ACAN: variants seen among roughly 807,000 people sequenced by gnomAD.
The protein encoded by ACAN is aggrecan.
In ACAN, 47 loss-of-function variants were observed where a neutral mutation model predicts 169.1. That is an observed-to-expected ratio of 0.28 (90% CI 0.22 to 0.35). The LOEUF is 0.35. ACAN is among the 10% of genes least tolerant of loss of function. The pLI, the probability that ACAN is intolerant of heterozygous loss-of-function variation, is 1.00. For missense variants in ACAN, 2,716 were observed against 2,759.9 expected (o/e 0.98, Z 0.36); for synonymous variants, 1,115 against 1,112.2 (o/e 1.00, Z -0.05).
In ACAN at chr15:88,836,253, C is replaced by T. The variant is rs1325083323; in HGVS notation, c.47C>T (p.Ala16Val). The T allele has an allele frequency of 6.2e-7, 1 of 1,613,858 alleles. No individual in the cohort carries two copies. The highest frequency in any genetic ancestry group is 8.5e-7 in the Non-Finnish European group (1 of 1,179,806). Reference sequence around the variant, plus strand: ...TTCGTGACTCTGAGGGTCATCACTGCAGCTGTCACTGTAGAAACTTCAGGT... The same window carrying T: ...TTCGTGACTCTGAGGGTCATCACTGTAGCTGTCACTGTAGAAACTTCAGGT... ...WVFVTLRVITAAVTVETSDHD... is the reference protein window; with the variant it reads ...WVFVTLRVITVAVTVETSDHD... The change falls in exon 2 of 19, where the codon GCA becomes GTA. Residue 16 changes from alanine (A) to valine (V), a missense_variant. By Grantham distance (64) the Ala-to-Val change is moderately conservative. Around this residue, in one of 3 missense-constraint regions of ACAN, gnomAD observed 1,283 missense variants for 1,281.5 expected, o/e 1.00. Transcript: ENST00000560601.
rs757760868 is a variant in ACAN, at chr15:88,829,737, G to A, written c.-7-6463G>A. Among the ~76,000 whole-genome samples the A allele has an allele frequency of 7.9e-5, 12 of 152,240 alleles. 1 individual carries two copies. In the East Asian group the frequency reaches 1.7e-3, roughly 22 times the overall value. ...GTCAGGGACACAGAGCCACCTGGTC[G>A]CAGGCAAATCTTACTGGTCTACCAG... On this transcript the variant is annotated intron_variant, in intron 1 of 18. Coordinates refer to ENST00000560601, the MANE Select transcript of ACAN (RefSeq NM_001369268.1).
chr15:88,806,222 A>G (rs1215567664), intron 1 of ACAN, among the ~76,000 whole-genome samples: 1 of 152,232 alleles, frequency 6.6e-6, no homozygotes, highest in Admixed American at 6.5e-5. Context: ...AGCAAGCACC[A>G]CAAACTTTAA....
chr15:88,853,535 G>T (rs1272694431), intron 11 of ACAN, among the ~76,000 whole-genome samples: 1 of 152,140 alleles, frequency 6.6e-6, no homozygotes, highest in Admixed American at 6.6e-5. Context: ...CTACTCGGGA[G>T]GCTGAGGCAT....
chr15:88,864,274 T>A (rs1257053465), intron 13 of ACAN, among the ~76,000 whole-genome samples: 1 of 145,786 alleles, frequency 6.9e-6, no homozygotes, highest in African/African-American at 2.6e-5. Flanking sequence ...GTTATAACCT[T>A]TTTTTTTTTT....
chr15:88,833,516 A>G (rs1896417725), intron 1 of ACAN, among the ~76,000 whole-genome samples: 1 of 152,182 alleles, frequency 6.6e-6, no homozygotes, highest in East Asian at 1.9e-4. Context: ...CAGGGCTGCC[A>G]AAGTCAGTCT....
intron 13 of ACAN, among the ~76,000 whole-genome samples, chr15:88,863,070 G>A (rs1419014477): frequency 6.6e-6 from 1 of 151,250 alleles, no homozygotes; most frequent in Non-Finnish European, 1.5e-5. Flanking sequence ...GCAAAATGCA[G>A]CATGATTCCT....
rs2141586230 is a variant in ACAN at position 88,847,425 on chromosome 15, C to G, written c.1604+8C>G. The G allele has an allele frequency of 1.3e-6, 2 of 1,560,876 alleles. No homozygotes were observed. The highest frequency in any genetic ancestry group is 1.7e-6 in the Non-Finnish European group (2 of 1,148,450). Reference sequence around the variant, plus strand: ...GCGGGACCAGACCGTCAGGTGAAGCCATGCTCCTCGCCCAGCCCAAACCCA... The same window carrying G: ...GCGGGACCAGACCGTCAGGTGAAGCGATGCTCCTCGCCCAGCCCAAACCCA... On this transcript the variant is annotated splice_region_variant and intron_variant, in intron 8 of 18. Transcript: ENST00000560601.
intron 1 of ACAN, among the ~76,000 whole-genome samples, chr15:88,815,606 A>C (rs1394426037): frequency 1.3e-5 from 2 of 150,596 alleles, no homozygotes; most frequent in Non-Finnish European, 1.5e-5. Context: ...GTCTTAAAAA[A>C]AAAAAAACCA....
At chr15:88,840,343 G>A (rs149718201) in intron 4 of ACAN, among the ~76,000 whole-genome samples, 157 bp downstream of exon 4, 1 of 152,298 alleles carries the variant, frequency 6.6e-6, no homozygotes, top group East Asian at 1.9e-4. Flanking sequence ...TGGCCAAACA[G>A]CAGCTCAATG....
Position 88,843,294 on chromosome 15 carries a change from G to T in ACAN, c.758-61G>T. On this transcript the variant is annotated intron_variant, in intron 5 of 18. Transcript: ENST00000560601. This position sits in a 1 kb window ranked among gnomAD's most constrained non-coding sequence, Gnocchi z 4.0. ...TCGTGGAAAAGTGTGGATCTCTCTG[G>T]GGATGCAGAGCAGGGGGAGGGGGGA... The T allele has an allele frequency of 7.0e-7, 1 of 1,418,578 alleles. No individual in the cohort carries two copies. Among genetic ancestry groups the T allele is most frequent in the Non-Finnish European group, 9.2e-7 (1 of 1,081,936 alleles). The allele number at this position is 1,418,578 out of a possible 1,614,324, so 87.9% of individuals were successfully genotyped here.
intron 8 of ACAN, 53 bp downstream of exon 8, chr15:88,847,470 A>G: frequency 2.0e-6 from 3 of 1,480,770 alleles, no homozygotes; most frequent in Non-Finnish European, 2.7e-6. Context: ...GTCAGGCTTA[A>G]GGAGCCACAG....
intron 7 of ACAN, 122 bp downstream of exon 7, chr15:88,846,004 T>C (rs1441178914): frequency 8.9e-7 from 1 of 1,123,084 alleles, no homozygotes; most frequent in Non-Finnish European, 1.2e-6. Flanking sequence ...CAATGTTCTC[T>C]CCTCTCAGAC....
rs1055766059 is a variant in ACAN at position 88,868,342 on chromosome 15, T to C, written c.7060+13T>C. 1 of 702,200 alleles carries C rather than the reference T, an allele frequency of 1.4e-6. No homozygotes were observed. Among genetic ancestry groups the C allele is most frequent in the South Asian group, 1.5e-5 (1 of 67,484 alleles). 43.5% of individuals were successfully genotyped at this position (702,200 alleles called of 1,614,324 possible). On this transcript the variant is annotated intron_variant, in intron 14 of 18. Coordinates refer to ENST00000560601, the MANE Select transcript of ACAN (RefSeq NM_001369268.1). The surrounding 1 kb of genome is among the most constrained non-coding windows in gnomAD (Gnocchi z 5.2). ...CTGTGTGAGATTGGTACGGCCGTCT[T>C]GGCTTCAGCTAATGTTACTAACTGC...
chr15:88,820,025 G>A (rs1464804057), intron 1 of ACAN, among the ~76,000 whole-genome samples: 11 of 152,056 alleles, frequency 7.2e-5, no homozygotes, highest in Non-Finnish European at 1.5e-4. Context: ...TGTCCCCTTG[G>A]TTCTAAAATA....
In ACAN at chr15:88,807,533, C is replaced by A. The variant is rs1333174561; in HGVS notation, c.-8+3724C>A. 6.6e-6 allele frequency among the ~76,000 whole-genome samples: 1 copy of A among 152,090 alleles called. No individual in the cohort carries two copies. Among genetic ancestry groups the A allele is most frequent in the Non-Finnish European group, 1.5e-5 (1 of 68,028 alleles). ...GCCATCCCTGCGAGGGAGTCTGGGC[C>A]CCTGGACGCAGTTGAAGAAGGGCCA... is the stretch of plus-strand genomic sequence containing the variant. On this transcript the variant is annotated intron_variant, in intron 1 of 18. Transcript: ENST00000560601. This position sits in a 1 kb window ranked among gnomAD's most constrained non-coding sequence, Gnocchi z 4.0.
At chr15:88,860,494 T>G in intron 13 of ACAN, 55 bp downstream of exon 13, 1 of 1,512,824 alleles carries the variant, frequency 6.6e-7, no homozygotes, top group Non-Finnish European at 9.1e-7. Flanking sequence ...ACAGACTTCT[T>G]CATCCCCCAA....
chr15:88,813,106 C>A (rs940192468), intron 1 of ACAN, among the ~76,000 whole-genome samples: 5 of 152,174 alleles, frequency 3.3e-5, no homozygotes, highest in Non-Finnish European at 5.9e-5. Context: ...GACATGAGCC[C>A]CATCTGTCTT....
At chr15:88,859,652 C>T (rs137894324) in intron 12 of ACAN, among the ~76,000 whole-genome samples, 200 of 152,306 alleles carry the variant, frequency 1.3e-3, no homozygotes, top group Non-Finnish European at 2.1e-3. Context: ...ATAAAGCAAG[C>T]ACTTAGCATC....
rs374858120 is a variant in ACAN, at chr15:88,847,223, G to A, written c.1430-20G>A. ...ACACCGTGGGTCCCTGAACCTGACC[G>A]CTCCCTCCTCCCCACCCAGGGGTCG... On this transcript the variant is annotated intron_variant, in intron 7 of 18. Coordinates refer to ENST00000560601, the MANE Select transcript of ACAN (RefSeq NM_001369268.1). 1.1e-4 allele frequency: 173 copies of A among 1,529,390 alleles called. No individual in the cohort carries two copies. Among genetic ancestry groups the A allele is most frequent in the South Asian group, 3.8e-4 (31 of 82,442 alleles). The allele number at this position is 1,529,390 out of a possible 1,614,324, so 94.7% of individuals were successfully genotyped here.
Sources: allele counts gnomAD v4.1 joint callset (sites outside exome capture counted in the v4.1 genomes callset), GRCh38; gene constraint gnomAD v4.1.1; regional missense constraint gnomAD v4.1.1; non-coding constraint Gnocchi (gnomAD v3.1); transcripts MANE v1.5; gene names NCBI Gene and HGNC (gene_info 2026-07-23, HGNC 2026-07-21).